Variants in WNT8B observed in about 807,000 individuals in gnomAD.
The protein encoded by WNT8B is Wnt family member 8B.
WNT8B carries 24 observed loss-of-function variants against 36.6 expected under a neutral mutation model. The observed-to-expected ratio is 0.66, with a 90% CI of 0.48 to 0.92. The LOEUF (loss-of-function observed/expected upper bound fraction) is 0.92. WNT8B is among the 40% of genes least tolerant of loss of function. WNT8B has a pLI of 0.00. For synonymous variants in WNT8B, 199 were observed against 189.8 expected (o/e 1.05, Z -0.40); for missense variants, 402 against 470.8 (o/e 0.85, Z 1.35).
At position 100,479,101 on chromosome 10, in the gene WNT8B, A is replaced by G; in HGVS notation, c.102+16A>G. The G allele has an allele frequency of 6.3e-7, 1 of 1,593,446 alleles. No individual in the cohort carries two copies. The highest frequency in any genetic ancestry group is 8.5e-7 in the Non-Finnish European group (1 of 1,173,676). On this transcript the variant is annotated intron_variant, in intron 2 of 5. Transcript: ENST00000343737. ...TGGTCCAAAGGTAAGAACAAATTCCATTAATTGATATGGATTTCACTAATC... is the reference window on the plus strand; with the variant it reads ...TGGTCCAAAGGTAAGAACAAATTCCGTTAATTGATATGGATTTCACTAATC...
At chr10:100,479,026 GT>G (rs1319746254) in intron 1 of WNT8B, 25 bp from the exon 2 acceptor site, 3 of 1,581,134 alleles carry the variant, frequency 1.9e-6, no homozygotes, top group Non-Finnish European at 2.6e-6. Flanking sequence ...ATTATATTCT[GT>G]TTTTGTTTTT....
In WNT8B at chr10:100,482,128, TC is replaced by T. The variant is rs2133659603; in HGVS notation, c.510+75del. The T allele has an allele frequency of 6.3e-7, 1 of 1,596,150 alleles. No individual in the cohort carries two copies. Among genetic ancestry groups the T allele is most frequent in the Admixed American group, 1.7e-5 (1 of 58,762 alleles). ...ACCAGCTCCAGGTGCGGACAACTCT[TC>T]AGTTCATTTAAAAGATTGGCAAAAT... On this transcript the variant is annotated intron_variant, in intron 5 of 5. Coordinates refer to ENST00000343737, the MANE Select transcript of WNT8B (RefSeq NM_003393.4). This position sits in a 1 kb window ranked among gnomAD's most constrained non-coding sequence, Gnocchi z 6.6.
chr10:100,482,657 G>C lies in WNT8B; in HGVS notation c.897G>C (p.Glu299Asp). ...RLCGDCGLAV[E>D]ERRAETVSSC... ...GCGGGGACTGCGGGCTGGCGGTGGAGGAGCGCCGGGCCGAGACCGTGTCCA... is the reference window on the plus strand; with the variant it reads ...GCGGGGACTGCGGGCTGGCGGTGGACGAGCGCCGGGCCGAGACCGTGTCCA... Residue 299 changes from glutamate (E) to aspartate (D), a missense_variant, in exon 6 of 6, where the codon GAG becomes GAC. Glu to Asp is a conservative substitution (Grantham distance 45, BLOSUM62 2). Transcript: ENST00000343737. The surrounding 1 kb of genome is among the most constrained non-coding windows in gnomAD (Gnocchi z 6.6). 1 of 1,607,208 alleles carries C rather than the reference G, an allele frequency of 6.2e-7. No homozygotes were observed. Among genetic ancestry groups the C allele is most frequent in the Non-Finnish European group, 8.5e-7 (1 of 1,178,786 alleles).
At chr10:100,469,176 A>T (rs949334489) in intron 1 of WNT8B, among the ~76,000 whole-genome samples, 3 of 152,062 alleles carry the variant, frequency 2.0e-5, no homozygotes, top group African/African-American at 7.2e-5. Flanking sequence ...CATCTTGAAA[A>T]ATACCTTCCT....
At position 100,482,447 on chromosome 10, in the gene WNT8B, C is replaced by G. The variant is rs759151206; in HGVS notation, c.687C>G (p.Ala229=). The G allele has an allele frequency of 1.5e-5, 24 of 1,605,222 alleles. No individual in the cohort carries two copies. Among genetic ancestry groups the G allele is most frequent in the Non-Finnish European group, 1.9e-5 (22 of 1,179,846 alleles). ...TGCAGGGTGCTGGCAACAGCGCGGC[C>G]GGCCGCGGCGCCATCGCCGACACCT... ...DLLQGAGNSA[A]GRGAIADTFR... is the part of the protein sequence containing the mutation. Residue 229 remains alanine, a synonymous_variant, in exon 6 of 6, where the codon GCC becomes GCG. Transcript: ENST00000343737. This position sits in a 1 kb window ranked among gnomAD's most constrained non-coding sequence, Gnocchi z 6.6.
At chr10:100,478,906 T>C in intron 1 of WNT8B, 146 bp from the exon 2 acceptor site, 1 of 684,524 alleles carries the variant, frequency 1.5e-6, no homozygotes, top group South Asian at 2.1e-5. Flanking sequence ...AGTAGGTTTG[T>C]TATGCACAGT....
chr10:100,476,340 A>G (rs1001040882), intron 1 of WNT8B, among the ~76,000 whole-genome samples: 7 of 152,046 alleles, frequency 4.6e-5, no homozygotes, highest in Admixed American at 2.0e-4. Context: ...TAGACTTCAT[A>G]GTATTTTTGA....
At chr10:100,467,931 C>G (rs1436716354) in intron 1 of WNT8B, among the ~76,000 whole-genome samples, 2 of 152,090 alleles carry the variant, frequency 1.3e-5, no homozygotes, top group East Asian at 3.9e-4. Flanking sequence ...TACCATGGTT[C>G]AAAACAGGAA....
chr10:100,481,761 A>T, intron 4 of WNT8B, 151 bp from the exon 5 acceptor site: 1 of 1,130,988 alleles, frequency 8.8e-7, no homozygotes, highest in Non-Finnish European at 1.2e-6. Context: ...AAACAAATCT[A>T]GACGGCAACT....
At chr10:100,479,024 CTGTTTT>C (rs1851075625) in intron 1 of WNT8B, 22 bp from the exon 2 acceptor site, 1 of 1,581,858 alleles carries the variant, frequency 6.3e-7, no homozygotes, top group African/African-American at 1.4e-5. Context: ...GCATTATATT[CTGTTTT>C]TGTTTTTTTT....
intron 4 of WNT8B, 128 bp downstream of exon 4, chr10:100,481,251 C>T (rs765754947): frequency 5.3e-6 from 7 of 1,309,984 alleles, no homozygotes; most frequent in African/African-American, 1.5e-5. Context: ...GATGGGTGAA[C>T]GAGTTTGATC....
chr10:100,481,773 A>T, intron 4 of WNT8B, 139 bp from the exon 5 acceptor site: 1 of 1,226,456 alleles, frequency 8.2e-7, no homozygotes, highest in Non-Finnish European at 1.1e-6. Context: ...ACGGCAACTG[A>T]TCTGGATACA....
intron 1 of WNT8B, among the ~76,000 whole-genome samples, chr10:100,477,016 C>G (rs1851046428): frequency 6.6e-6 from 1 of 152,216 alleles, no homozygotes; most frequent in South Asian, 2.1e-4. Context: ...CCAAGACTTT[C>G]TCATGTTACT....
At chr10:100,466,879 C>A (rs1425690702) in intron 1 of WNT8B, among the ~76,000 whole-genome samples, 1 of 151,850 alleles carries the variant, frequency 6.6e-6, no homozygotes, top group Non-Finnish European at 1.5e-5. Flanking sequence ...CGATGCTTGT[C>A]TATTTCCATC....
chr10:100,463,138 G>A lies in WNT8B; in HGVS notation c.-31G>A. 6.2e-7 allele frequency: 1 copy of A among 1,607,276 alleles called. No homozygotes were observed. The highest frequency in any genetic ancestry group is 8.5e-7 in the Non-Finnish European group (1 of 1,175,974). ...TGCTTACCCATCTCCCAGTTTTTTG[G>A]AATTTTCTCTAGCTGTTACTCCAGA... On this transcript the variant is annotated 5_prime_UTR_variant, in exon 1 of 6. Coordinates refer to ENST00000343737, the MANE Select transcript of WNT8B (RefSeq NM_003393.4).
intron 1 of WNT8B, among the ~76,000 whole-genome samples, chr10:100,469,668 C>A (rs890165185): frequency 6.6e-6 from 1 of 152,226 alleles, no homozygotes; most frequent in Non-Finnish European, 1.5e-5. Context: ...TATTATTTCA[C>A]AGTTATTAGT....
At chr10:100,469,158 T>G (rs988291277) in intron 1 of WNT8B, among the ~76,000 whole-genome samples, 8 of 152,208 alleles carry the variant, frequency 5.3e-5, no homozygotes, top group Non-Finnish European at 1.0e-4. Context: ...AATTTTTCTT[T>G]CTATACTCAT....
Position 100,482,210 on chromosome 10 carries a change from G to A in WNT8B, c.511-61G>A. On this transcript the variant is annotated intron_variant, in intron 5 of 5. Coordinates refer to ENST00000343737, the MANE Select transcript of WNT8B (RefSeq NM_003393.4). The surrounding 1 kb of genome is among the most constrained non-coding windows in gnomAD (Gnocchi z 6.6). ...AACTAGACTTCTCGCAACTCCCACA[G>A]GGGCAGTTAAACTCGCCACGCGCTT... The A allele has an allele frequency of 1.2e-5, 19 of 1,537,202 alleles. No individual in the cohort carries two copies. The highest frequency in any genetic ancestry group is 1.7e-5 in the Non-Finnish European group (19 of 1,145,392).
Position 100,480,010 on chromosome 10 carries a change from G to A in WNT8B, c.239G>A (p.Ser80Asn). ...LQLSSHGGLR[S>N]ANRETAFVHA... ...CTGTCCAGCCATGGTGGGCTTCGCAGTGGTAAGAAAAACCTCAGCCACAGC... is the reference window on the plus strand; with the variant it reads ...CTGTCCAGCCATGGTGGGCTTCGCAATGGTAAGAAAAACCTCAGCCACAGC... Residue 80 changes from serine (S) to asparagine (N), a missense_variant and splice_region_variant, in exon 3 of 6, where the codon AGT becomes AAT. This residue lies in a region of WNT8B where 131 missense variants were observed against 152.6 expected (regional missense o/e 0.86). Transcript: ENST00000343737. 6.2e-7 allele frequency: 1 copy of A among 1,613,132 alleles called. No individual in the cohort carries two copies. Among genetic ancestry groups the A allele is most frequent in the Non-Finnish European group, 8.5e-7 (1 of 1,179,808 alleles).
Sources: gnomAD v4.1 joint callset for allele counts (sites outside exome capture counted in the v4.1 genomes callset) on GRCh38, gnomAD v4.1.1 for gene constraint, gnomAD v4.1.1 regional missense constraint, Gnocchi (gnomAD v3.1) non-coding constraint, MANE v1.5 for transcripts, NCBI Gene and HGNC (gene_info 2026-07-23, HGNC 2026-07-21) for gene names.